ODF2L: variants seen among roughly 807,000 people sequenced by gnomAD.
ODF2L encodes the protein protein BCAP.
A neutral mutation model predicts 86.3 loss-of-function variants in ODF2L; 76 were observed. The observed-to-expected ratio is 0.88, with a 90% CI of 0.73 to 1.07. The LOEUF is 1.07. ODF2L is among the 50% of genes least tolerant of loss of function. The pLI is 0.00. For missense variants in ODF2L, 748 were observed against 717.4 expected, an observed-to-expected ratio of 1.04 and a Z score of -0.49; for synonymous variants, 241 against 231.3, an observed-to-expected ratio of 1.04 and a Z score of -0.38.
chr1:86,347,453 A>C (rs182394615), downstream of ODF2L: 1 of 152,310 alleles, frequency 6.6e-6, no homozygotes, highest in Admixed American at 6.5e-5. Context: ...ATGAGTACTA[A>C]GATTTTTTTT....
chr1:86,368,727 A>C, intron 10 of ODF2L: 1 of 1,424,964 alleles, frequency 7.0e-7, no homozygotes, highest in Non-Finnish European at 9.3e-7. Flanking sequence ...TCTAAGCTAA[A>C]GACAATACAA....
At chr1:86,385,298 T>A (rs1280777776) in intron 3 of ODF2L, among the ~76,000 whole-genome samples, 160 bp downstream of exon 3, 1 of 152,052 alleles carries the variant, frequency 6.6e-6, no homozygotes, top group Non-Finnish European at 1.5e-5. Context: ...GGAAAAGAAC[T>A]GTAGTTAATG....
At chr1:86,379,388 A>G (rs1660409856) in intron 7 of ODF2L, among the ~76,000 whole-genome samples, 1 of 152,208 alleles carries the variant, frequency 6.6e-6, no homozygotes, top group South Asian at 2.1e-4. Context: ...TACTATAGTG[A>G]TTATGGTACA....
intron 8 of ODF2L, among the ~76,000 whole-genome samples, chr1:86,375,266 C>T (rs1390604482): frequency 6.6e-6 from 1 of 152,096 alleles, no homozygotes; most frequent in Non-Finnish European, 1.5e-5. Context: ...AAACTTCATG[C>T]ATTACAGCAA....
At chr1:86,360,643 T>C in intron 11 of ODF2L, 107 bp from the exon 11 acceptor site, 4 of 521,662 alleles carry the variant, frequency 7.7e-6, no homozygotes, top group Non-Finnish European at 1.3e-5. Context: ...GTTGATAAAA[T>C]AATTATTTTT....
At chr1:86,372,226 A>G (rs766859291) in intron 9 of ODF2L, among the ~76,000 whole-genome samples, 36 of 151,904 alleles carry the variant, frequency 2.4e-4, no homozygotes, top group Non-Finnish European at 4.9e-4. Flanking sequence ...ACACCAATTC[A>G]CTTTTAATGA....
At chr1:86,364,531 C>A (rs1354537970) in intron 11 of ODF2L, among the ~76,000 whole-genome samples, 5 of 152,152 alleles carry the variant, frequency 3.3e-5, no homozygotes, top group Non-Finnish European at 7.4e-5. Context: ...GGCTACAGCT[C>A]AGAATAACTA....
chr1:86,381,349 C>T lies in ODF2L; in HGVS notation c.624+893G>A, dbSNP rs11161809. ...CTGTATTTACTATGACAGACCACTG[C>T]AATACCAAGTCCAGTTCATCTGCAG... On this transcript the variant is annotated intron_variant, in intron 7 of 17. Transcript: ENST00000317336. Among the ~76,000 whole-genome samples, 566 of 152,184 alleles carry T rather than the reference C, an allele frequency of 3.7e-3. 5 individuals are homozygous for T. Among genetic ancestry groups the T allele is most frequent in the African/African-American group, 0.013 (543 of 41,536 alleles).
chr1:86,366,634 T>A, intron 11 of ODF2L, among the ~76,000 whole-genome samples: 1 of 144,160 alleles, frequency 6.9e-6, no homozygotes, highest in Admixed American at 6.9e-5. Flanking sequence ...TTGGAAACAA[T>A]AAATTGAAAC....
chr1:86,394,853 T>TTC (rs1558075068), intron 1 of ODF2L, among the ~76,000 whole-genome samples: 3 of 148,806 alleles, frequency 2.0e-5, no homozygotes, highest in Admixed American at 6.6e-5. Context: ...TTTTTTTTTT[T>TTC]TTTTTGAGAC....
intron 10 of ODF2L, among the ~76,000 whole-genome samples, chr1:86,369,239 T>C (rs1243022386): frequency 2.0e-5 from 3 of 152,118 alleles, no homozygotes; most frequent in South Asian, 4.2e-4. Context: ...AGGAAAAAAT[T>C]CTAATTCAGA....
intron 17 of ODF2L, chr1:86,352,325 T>C (rs1244134430): frequency 3.0e-5 from 37 of 1,231,436 alleles, no homozygotes; most frequent in Middle Eastern, 2.5e-4. Flanking sequence ...GACTGTTTCA[T>C]GAGTATTCAG....
downstream of ODF2L, chr1:86,347,624 G>A (rs1005385655): frequency 6.6e-6 from 1 of 152,172 alleles, no homozygotes; most frequent in African/African-American, 2.4e-5. Context: ...GGGGATCAGA[G>A]GGGACCAGGC....
chr1:86,385,733 G>A (rs1364152003), intron 2 of ODF2L, 143 bp from the exon 3 acceptor site: 4 of 529,850 alleles, frequency 7.5e-6, no homozygotes, highest in Non-Finnish European at 1.3e-5. Context: ...TGGACTTTGA[G>A]TGTAAGCAAA....
At chr1:86,384,907 C>T (rs1244638773) in intron 3 of ODF2L, 106 bp from the exon 4 acceptor site, 1 of 816,416 alleles carries the variant, frequency 1.2e-6, no homozygotes, top group Non-Finnish European at 1.7e-6. Context: ...CAAAATCATT[C>T]TTTTGTGCAT....
At chr1:86,364,095 T>A (rs146130309) in intron 11 of ODF2L, among the ~76,000 whole-genome samples, 56 of 152,280 alleles carry the variant, frequency 3.7e-4, no homozygotes, top group African/African-American at 1.0e-3. Context: ...AGATACAAAT[T>A]TAACTTTATG....
At chr1:86,393,806 G>C (rs6674140) in intron 1 of ODF2L, among the ~76,000 whole-genome samples, 48,180 of 152,102 alleles carry the variant, frequency 0.32, 7,753 homozygotes, top group East Asian at 0.41. Flanking sequence ...CAAATAATAC[G>C]CATCACTCTC....
At chr1:86,376,354 A>T in exon 8 of ODF2L, 1 of 1,612,560 alleles carries the variant, frequency 6.2e-7, no homozygotes, top group Non-Finnish European at 8.5e-7. Context: ...TTCTTTCATC[A>T]CTATAGCCTC....
intron 11 of ODF2L, among the ~76,000 whole-genome samples, chr1:86,363,690 T>TTA (rs1215419334): frequency 1.3e-5 from 2 of 151,848 alleles, no homozygotes; most frequent in African/African-American, 4.8e-5. Context: ...AAATAAAAAA[T>TTA]TATATATATG....
Sources: allele counts gnomAD v4.1 joint callset (sites outside exome capture counted in the v4.1 genomes callset), GRCh38; gene constraint gnomAD v4.1.1; transcripts MANE v1.5; gene names NCBI Gene and HGNC (gene_info 2026-07-23, HGNC 2026-07-21).